Variants in AUH observed in about 807,000 individuals in gnomAD.
The protein encoded by AUH is methylglutaconyl-CoA hydratase, mitochondrial.
A neutral mutation model predicts 42.3 loss-of-function variants in AUH; 29 were observed. The ratio of observed to expected loss-of-function variants is 0.69; its 90% CI spans 0.51 to 0.93. The LOEUF (loss-of-function observed/expected upper bound fraction) is 0.93, where lower values mean the gene tolerates loss of function less well. Among genes scored for constraint, AUH ranks in the 40% least tolerant of loss-of-function variants. The pLI is 0.00. For synonymous variants in AUH, 174 were observed against 166.4 expected (o/e 1.05, Z -0.35); for missense variants, 452 against 438.1 (o/e 1.03, Z -0.28).
At chr9:91,223,642 CATA>C (rs1199954934) in intron 6 of AUH, among the ~76,000 whole-genome samples, 1 of 152,156 alleles carries the variant, frequency 6.6e-6, no homozygotes. Context: ...GAGAAATCAC[CATA>C]ATGTTTTCCA....
At chr9:91,335,877 C>T (rs1490456478) in intron 3 of AUH, among the ~76,000 whole-genome samples, 1 of 152,108 alleles carries the variant, frequency 6.6e-6, no homozygotes, top group Non-Finnish European at 1.5e-5. Context: ...GATAGCTGTC[C>T]TCTGAAATCT....
intron 6 of AUH, among the ~76,000 whole-genome samples, chr9:91,234,871 G>C (rs535797055): frequency 4.0e-5 from 6 of 148,600 alleles, no homozygotes; most frequent in African/African-American, 1.5e-4. Flanking sequence ...ATTTAGATTG[G>C]GTGGTTGGAG....
At chr9:91,257,827 C>T (rs1829488847) in intron 6 of AUH, among the ~76,000 whole-genome samples, 2 of 152,184 alleles carry the variant, frequency 1.3e-5, no homozygotes, top group African/African-American at 4.8e-5. Flanking sequence ...CAGGATTGCA[C>T]TGCATCTACA....
intron 6 of AUH, among the ~76,000 whole-genome samples, chr9:91,231,349 A>C (rs1314821567): frequency 6.6e-6 from 1 of 152,180 alleles, no homozygotes; most frequent in African/African-American, 2.4e-5. Context: ...TTCTTTGATT[A>C]GGAAAGGCAA....
chr9:91,346,514 T>C (rs550894761), intron 3 of AUH, among the ~76,000 whole-genome samples: 3 of 152,286 alleles, frequency 2.0e-5, no homozygotes, highest in Non-Finnish European at 4.4e-5. Flanking sequence ...AAACTGGTAA[T>C]AGTAAATAAA....
At chr9:91,229,680 C>T (rs1827749203) in intron 6 of AUH, among the ~76,000 whole-genome samples, 1 of 152,084 alleles carries the variant, frequency 6.6e-6, no homozygotes, top group Non-Finnish European at 1.5e-5. Flanking sequence ...CATGATTTTG[C>T]AAGCGGCTGG....
At chr9:91,302,647 G>A (rs1442701953) in intron 4 of AUH, among the ~76,000 whole-genome samples, 2 of 151,952 alleles carry the variant, frequency 1.3e-5, no homozygotes, top group South Asian at 2.1e-4. Flanking sequence ...GTGCGTGCCT[G>A]TAATCCCAGC....
At chr9:91,336,360 G>A (rs1830685758) in intron 3 of AUH, among the ~76,000 whole-genome samples, 1 of 152,076 alleles carries the variant, frequency 6.6e-6, no homozygotes, top group Non-Finnish European at 1.5e-5. Context: ...GGCCAGGCAT[G>A]GTGGCTCATG....
chr9:91,325,204 G>T, intron 4 of AUH, 114 bp downstream of exon 4: 1 of 826,666 alleles, frequency 1.2e-6, no homozygotes, highest in Non-Finnish European at 2.0e-6. Flanking sequence ...TATAGGTCAT[G>T]ATTATCTAAT....
intron 4 of AUH, among the ~76,000 whole-genome samples, chr9:91,301,701 T>G (rs1170964171): frequency 6.6e-6 from 1 of 151,988 alleles, no homozygotes; most frequent in Non-Finnish European, 1.5e-5. Context: ...ATACCAGAGG[T>G]GAGGACCAGG....
chr9:91,279,146 A>G (rs1215497424), intron 6 of AUH, among the ~76,000 whole-genome samples: 5 of 152,228 alleles, frequency 3.3e-5, no homozygotes, highest in Non-Finnish European at 7.3e-5. Context: ...GATATTAAAA[A>G]TGAAGAAAAA....
rs1826693126 is a variant in AUH, at chr9:91,214,206, C to T, written c.*142G>A. The T allele has an allele frequency of 1.4e-6, 1 of 729,370 alleles. No homozygotes were observed. Among genetic ancestry groups the T allele is most frequent in the African/African-American group, 1.7e-5 (1 of 57,412 alleles). 45.2% of individuals were successfully genotyped at this position (729,370 alleles called of 1,614,324 possible). A position where few individuals can be genotyped will look rare whatever the true frequency, so the allele number is the denominator to read the frequency against. ...AATGAAGTACACGGATGGGTCCATT[C>T]CAGATGCTTATTACACCGTATGAAT... On this transcript the variant is annotated 3_prime_UTR_variant, in exon 10 of 10. Coordinates refer to ENST00000375731, the MANE Select transcript of AUH (RefSeq NM_001698.3).
intron 6 of AUH, among the ~76,000 whole-genome samples, chr9:91,283,395 C>G (rs1826134083): frequency 1.3e-5 from 2 of 152,096 alleles, no homozygotes; most frequent in African/African-American, 4.8e-5. Context: ...CCTTTGAAAA[C>G]TGGCACAAGA....
chr9:91,234,651 AT>A (rs1227766690), intron 6 of AUH, among the ~76,000 whole-genome samples: 1 of 151,828 alleles, frequency 6.6e-6, no homozygotes, highest in East Asian at 1.9e-4. Context: ...TCAATAAATA[AT>A]TTATTGATTA....
At chr9:91,296,737 G>A (rs1462623096) in intron 5 of AUH, among the ~76,000 whole-genome samples, 2 of 152,142 alleles carry the variant, frequency 1.3e-5, no homozygotes, top group African/African-American at 4.8e-5. Context: ...AAAATCCAAT[G>A]ATTTCATTAC....
intron 6 of AUH, among the ~76,000 whole-genome samples, chr9:91,252,077 C>A (rs934753433): frequency 6.6e-6 from 1 of 152,152 alleles, no homozygotes; most frequent in Non-Finnish European, 1.5e-5. Flanking sequence ...AGTGATTCTT[C>A]TGCCTCCGCC....
chr9:91,253,180 T>C (rs1023097378), intron 6 of AUH, among the ~76,000 whole-genome samples: 5 of 152,234 alleles, frequency 3.3e-5, no homozygotes, highest in Non-Finnish European at 7.3e-5. Flanking sequence ...AAATTACTTC[T>C]TTCTCAAGGG....
chr9:91,271,308 T>C (rs1233934419), intron 6 of AUH, among the ~76,000 whole-genome samples: 1 of 152,270 alleles, frequency 6.6e-6, no homozygotes, highest in Non-Finnish European at 1.5e-5. Context: ...GTGCATTTGC[T>C]TGCAGAGACA....
At chr9:91,314,251 T>C (rs1367493304) in intron 4 of AUH, among the ~76,000 whole-genome samples, 1 of 152,040 alleles carries the variant, frequency 6.6e-6, no homozygotes, top group African/African-American at 2.4e-5. Context: ...ATGCCTGTAA[T>C]CCCAGCACTT....
Sources: gnomAD v4.1 joint callset for allele counts (sites outside exome capture counted in the v4.1 genomes callset) on GRCh38, gnomAD v4.1.1 for gene constraint, MANE v1.5 for transcripts, NCBI Gene and HGNC (gene_info 2026-07-23, HGNC 2026-07-21) for gene names.